Variants in SNX29 observed in about 807,000 individuals in gnomAD.
SNX29 encodes sorting nexin 29, also known as sorting nexin-29.
In SNX29, 78 loss-of-function variants were observed where a neutral mutation model predicts 102.1. That is an observed-to-expected ratio of 0.76 (90% CI 0.64 to 0.92). The LOEUF (loss-of-function observed/expected upper bound fraction) is 0.92, where lower values mean the gene tolerates loss of function less well. SNX29 is among the 40% of genes least tolerant of loss of function. The probability of loss-of-function intolerance (pLI) is 0.00; values close to 1 mark genes in which losing one functional copy is unlikely to be tolerated. For missense variants in SNX29, 1,280 were observed against 1,061.7 expected, an observed-to-expected ratio of 1.21 and a Z score of -2.86; for synonymous variants, 580 against 414.5, an observed-to-expected ratio of 1.40 and a Z score of -4.85.
intron 4 of SNX29, 115 bp downstream of exon 4, chr16:12,027,559 G>C (rs954808479): frequency 7.9e-7 from 1 of 1,263,274 alleles, no homozygotes; most frequent in Non-Finnish European, 1.1e-6. Context: ...TGGTGGGGTG[G>C]TGTATGGGCA....
chr16:12,247,139 C>A (rs1027533961), intron 14 of SNX29, among the ~76,000 whole-genome samples: 1 of 152,134 alleles, frequency 6.6e-6, no homozygotes, highest in African/African-American at 2.4e-5. Flanking sequence ...TGATCACCTT[C>A]CCTATACGAC....
At chr16:12,180,011 A>G (rs957102911) in intron 13 of SNX29, among the ~76,000 whole-genome samples, 36 of 152,084 alleles carry the variant, frequency 2.4e-4, no homozygotes, top group African/African-American at 8.7e-4. Context: ...TCAATGTGGA[A>G]CTTCGGGTCT....
intron 20 of SNX29, among the ~76,000 whole-genome samples, chr16:12,538,970 A>G (rs1033093098): frequency 2.0e-5 from 3 of 152,204 alleles, no homozygotes; most frequent in South Asian, 2.1e-4. Flanking sequence ...GGCAAGTGAT[A>G]TAAATAGGGA....
intron 14 of SNX29, among the ~76,000 whole-genome samples, chr16:12,250,356 T>A (rs529550405): frequency 3.9e-5 from 6 of 152,266 alleles, no homozygotes; most frequent in Admixed American, 2.0e-4. Flanking sequence ...GAGATACAAG[T>A]CAGAGCCCCA....
chr16:12,244,711 T>C (rs970305399), intron 14 of SNX29, among the ~76,000 whole-genome samples: 47 of 152,196 alleles, frequency 3.1e-4, no homozygotes, highest in African/African-American at 1.1e-3. Context: ...AGCCCTGGTA[T>C]CTAAATGAAG....
At chr16:12,017,999 G>A (rs972037316) in intron 3 of SNX29, among the ~76,000 whole-genome samples, 6 of 152,002 alleles carry the variant, frequency 3.9e-5, no homozygotes, top group Admixed American at 1.3e-4. Context: ...CCAGCATCCC[G>A]GGTTCAAGTG....
At chr16:12,338,997 G>A (rs968447589) in intron 15 of SNX29, among the ~76,000 whole-genome samples, 10 of 152,078 alleles carry the variant, frequency 6.6e-5, no homozygotes, top group African/African-American at 1.9e-4. Flanking sequence ...ACCTGTGGCC[G>A]TCATGGGCTG....
intron 6 of SNX29, among the ~76,000 whole-genome samples, chr16:12,048,103 C>G (rs2050158839): frequency 6.6e-6 from 1 of 151,726 alleles, no homozygotes; most frequent in South Asian, 2.1e-4. Flanking sequence ...CGTGGCATGA[C>G]TCAACTCCCA....
chr16:11,981,157 A>T (rs1275068553), intron 1 of SNX29, among the ~76,000 whole-genome samples: 4 of 151,830 alleles, frequency 2.6e-5, no homozygotes, highest in African/African-American at 9.7e-5. Flanking sequence ...TTCAGTAGAG[A>T]TGGGGTTTTG....
intron 20 of SNX29, among the ~76,000 whole-genome samples, chr16:12,563,288 A>G (rs1314938239): frequency 6.6e-6 from 1 of 152,096 alleles, no homozygotes; most frequent in Non-Finnish European, 1.5e-5. Flanking sequence ...TTCTGGATCC[A>G]CAGCTCGGAA....
At chr16:12,206,864 G>C (rs1376169574) in intron 14 of SNX29, among the ~76,000 whole-genome samples, 1 of 145,420 alleles carries the variant, frequency 6.9e-6, no homozygotes, top group African/African-American at 2.5e-5. Flanking sequence ...CAGTGTGCAG[G>C]TTGGAGTACA....
chr16:12,346,622 T>G (rs540596582), intron 15 of SNX29, among the ~76,000 whole-genome samples: 48 of 152,340 alleles, frequency 3.2e-4, no homozygotes, highest in African/African-American at 1.1e-3. Context: ...CCCTCACAGC[T>G]GCATGAGTGC....
chr16:12,394,114 A>G (rs147037680), intron 16 of SNX29, among the ~76,000 whole-genome samples: 57 of 152,338 alleles, frequency 3.7e-4, no homozygotes, highest in African/African-American at 1.0e-3. Flanking sequence ...AGCAACAGCA[A>G]AATAAAATCA....
At position 12,129,638 on chromosome 16, in the gene SNX29, G is replaced by A. The variant is rs761987332; in HGVS notation, c.1475G>A (p.Arg492Gln). Residue 492 changes from arginine (R) to glutamine (Q), a missense_variant, in exon 13 of 21, where the codon CGA (arginine) becomes CAA (glutamine). Coordinates refer to ENST00000566228, the MANE Select transcript of SNX29 (RefSeq NM_032167.5). ...DELEEENRSL[R>Q]NLLDGEMEHS... is the part of the protein sequence containing the mutation. ...GGTCCCTCTCTTCCCAGATCACTGC[G>A]AAACCTGCTCGACGGTGAGATGGAG... is the stretch of plus-strand genomic sequence containing the variant. The A allele has an allele frequency of 2.5e-6, 4 of 1,610,162 alleles. No homozygotes were observed. Among genetic ancestry groups the A allele is most frequent in the East Asian group, 2.2e-5 (1 of 44,834 alleles).
chr16:11,982,968 T>G (rs189107116), intron 1 of SNX29, among the ~76,000 whole-genome samples: 2 of 152,264 alleles, frequency 1.3e-5, no homozygotes, highest in Non-Finnish European at 1.5e-5. Flanking sequence ...TCTCACTGTG[T>G]TGTCCAGGCT....
intron 3 of SNX29, among the ~76,000 whole-genome samples, chr16:12,005,804 T>G (rs1411135398): frequency 1.3e-5 from 2 of 152,216 alleles, no homozygotes; most frequent in Non-Finnish European, 2.9e-5. Context: ...TTTTGGAGTT[T>G]TGGATTAGGC....
intron 16 of SNX29, among the ~76,000 whole-genome samples, chr16:12,364,681 G>A (rs150842255): frequency 3.4e-4 from 52 of 152,242 alleles, no homozygotes; most frequent in Middle Eastern, 6.8e-3. Context: ...TCCCATGGTG[G>A]ATGCAAACAC....
At chr16:12,519,744 T>G (rs2090020372) in intron 19 of SNX29, among the ~76,000 whole-genome samples, 1 of 152,186 alleles carries the variant, frequency 6.6e-6, no homozygotes, top group Non-Finnish European at 1.5e-5. Flanking sequence ...ATTCCAGCAC[T>G]TTGGGAGGCC....
intron 14 of SNX29, among the ~76,000 whole-genome samples, chr16:12,220,026 G>C (rs889253562): frequency 6.6e-6 from 1 of 152,232 alleles, no homozygotes; most frequent in Admixed American, 6.5e-5. Flanking sequence ...TGCTTTGTTG[G>C]CTTTGGCCCA....
Sources: allele counts gnomAD v4.1 joint callset (sites outside exome capture counted in the v4.1 genomes callset), GRCh38; gene constraint gnomAD v4.1.1; transcripts MANE v1.5; gene names NCBI Gene and HGNC (gene_info 2026-07-23, HGNC 2026-07-21).